ADCY8: variants seen among roughly 807,000 people sequenced by gnomAD.
ADCY8 encodes the protein adenylate cyclase 8.
Under a neutral mutation model 119.7 loss-of-function variants are expected in ADCY8, and 51 were observed. That is an observed-to-expected ratio of 0.43 (90% CI 0.34 to 0.54). The LOEUF (loss-of-function observed/expected upper bound fraction) is 0.54, where lower values mean the gene tolerates loss of function less well. ADCY8 is among the 20% of genes least tolerant of loss of function. ADCY8 has a pLI of 0.03. For missense variants in ADCY8, 1,383 were observed against 1,598.8 expected (o/e 0.87, Z 2.30); for synonymous variants, 665 against 651.0 (o/e 1.02, Z -0.33).
At chr8:130,847,395 C>A in intron 11 of ADCY8, 29 bp downstream of exon 11, 2 of 1,539,328 alleles carry the variant, frequency 1.3e-6, no homozygotes, top group East Asian at 4.5e-5. Context: ...ATGTCCAACT[C>A]TCACCAAGGG....
intron 2 of ADCY8, among the ~76,000 whole-genome samples, chr8:130,960,571 G>A (rs1821569012): frequency 6.6e-6 from 1 of 152,108 alleles, no homozygotes; most frequent in African/African-American, 2.4e-5. Flanking sequence ...GCACAGGCGA[G>A]AATGATACAA....
chr8:130,972,023 G>C (rs1821938043), intron 2 of ADCY8, among the ~76,000 whole-genome samples: 1 of 152,168 alleles, frequency 6.6e-6, no homozygotes, highest in Non-Finnish European at 1.5e-5. Flanking sequence ...TTTTCATAAA[G>C]TAAAACCACT....
At chr8:130,809,443 G>A (rs1021616423) in intron 14 of ADCY8, among the ~76,000 whole-genome samples, 16 of 152,152 alleles carry the variant, frequency 1.1e-4, no homozygotes, top group African/African-American at 3.9e-4. Context: ...GCTCTGGCCT[G>A]TTCTTTCCCT....
chr8:130,857,786 A>G (rs1203046356), intron 9 of ADCY8, among the ~76,000 whole-genome samples: 5 of 152,216 alleles, frequency 3.3e-5, no homozygotes, highest in Non-Finnish European at 7.3e-5. Flanking sequence ...TGTTATAGCT[A>G]GGATACTTTT....
At chr8:130,948,275 G>A (rs1162660743) in intron 3 of ADCY8, among the ~76,000 whole-genome samples, 1 of 152,200 alleles carries the variant, frequency 6.6e-6, no homozygotes, top group African/African-American at 2.4e-5. Context: ...TAAGTATCTG[G>A]GGGAAAAACA....
At chr8:131,035,885 A>C (rs1824136912) in intron 1 of ADCY8, among the ~76,000 whole-genome samples, 1 of 152,176 alleles carries the variant, frequency 6.6e-6, no homozygotes. Context: ...TTTAGTTGAC[A>C]GATTTGTATC....
Position 130,884,730 on chromosome 8 carries a change from T to C in ADCY8, c.1943A>G (p.Asn648Ser). ...TTGTGCAAGATGGTTTGGAAGCAGA[T>C]TTATTGAATTTCTTGTTAGGGCAGC... ...TLAALTRNSI[N>S]LLPNHLAQAL... The change falls in exon 8 of 18, where the codon AAT becomes AGT. Residue 648 changes from asparagine (N) to serine (S), a missense_variant. Around this residue, in one of 2 missense-constraint regions of ADCY8, gnomAD observed 928 missense variants for 1,163.5 expected, o/e 0.80. Transcript: ENST00000286355. 1 of 1,613,904 alleles carries C rather than the reference T, an allele frequency of 6.2e-7. No individual in the cohort carries two copies. The highest frequency in any genetic ancestry group is 1.3e-5 in the African/African-American group (1 of 75,044).
intron 10 of ADCY8, 132 bp from the exon 11 acceptor site, chr8:130,847,645 C>T (rs939788817): frequency 1.5e-6 from 1 of 663,234 alleles, no homozygotes; most frequent in Non-Finnish European, 2.6e-6. Context: ...TAGACTGAAC[C>T]CTAGAGGGGA....
intron 1 of ADCY8, among the ~76,000 whole-genome samples, chr8:131,031,903 T>C (rs1468565644): frequency 6.6e-6 from 1 of 152,216 alleles, no homozygotes. Flanking sequence ...AAGAAATACA[T>C]GTACTTTGAT....
intron 1 of ADCY8, among the ~76,000 whole-genome samples, chr8:131,032,423 A>G (rs979464204): frequency 1.3e-5 from 2 of 152,172 alleles, no homozygotes; most frequent in Non-Finnish European, 2.9e-5. Flanking sequence ...CAGATATCAA[A>G]TTCTACACAT....
chr8:130,839,273 C>T lies in ADCY8; in HGVS notation c.2503-2824G>A, dbSNP rs1018945658. Among the ~76,000 whole-genome samples, 21 of 140,132 alleles carry T rather than the reference C, an allele frequency of 1.5e-4. 5 individuals are homozygous for T. The highest frequency in any genetic ancestry group is 5.8e-4 in the Admixed American group (8 of 13,786). The allele number at this position is 140,132 out of a possible 152,430, so 91.9% of individuals were successfully genotyped here. ...TTGATGGGTCTTTCTCGTTTTGTTG[C>T]CTCAATCAATTGTGGCAGCATGCTC... On this transcript the variant is annotated intron_variant, in intron 11 of 17. Coordinates refer to ENST00000286355, the MANE Select transcript of ADCY8 (RefSeq NM_001115.3).
chr8:130,830,136 G>A (rs1360638151), intron 12 of ADCY8, among the ~76,000 whole-genome samples: 1 of 152,148 alleles, frequency 6.6e-6, no homozygotes, highest in Non-Finnish European at 1.5e-5. Flanking sequence ...GTGAGGGCAT[G>A]GAAGTCTTCA....
At chr8:130,944,234 A>G (rs1327516553) in intron 3 of ADCY8, among the ~76,000 whole-genome samples, 1 of 152,204 alleles carries the variant, frequency 6.6e-6, no homozygotes, top group East Asian at 1.9e-4. Flanking sequence ...CACTAGTGGC[A>G]CATGGCATAG....
intron 9 of ADCY8, among the ~76,000 whole-genome samples, chr8:130,861,377 A>G (rs1260901476): frequency 6.6e-6 from 1 of 152,178 alleles, no homozygotes; most frequent in African/African-American, 2.4e-5. Flanking sequence ...TTATTTCATC[A>G]GTGTTTTGAA....
At chr8:130,806,588 G>A (rs551626525) in intron 14 of ADCY8, among the ~76,000 whole-genome samples, 11 of 152,322 alleles carry the variant, frequency 7.2e-5, no homozygotes, top group Non-Finnish European at 1.6e-4. Context: ...AAAGGGATGA[G>A]AAGAGCCCAA....
At chr8:130,908,878 T>C (rs72714443) in intron 6 of ADCY8, among the ~76,000 whole-genome samples, 11,456 of 152,218 alleles carry the variant, frequency 0.075, 485 homozygotes, top group Non-Finnish European at 0.1. Flanking sequence ...CATGATAACA[T>C]ATTACTTGAT....
intron 14 of ADCY8, among the ~76,000 whole-genome samples, chr8:130,810,277 G>A (rs571698758): frequency 3.3e-5 from 5 of 151,794 alleles, no homozygotes; most frequent in Admixed American, 2.0e-4. Context: ...GTTCTTGCCG[G>A]CCACTACAGT....
chr8:130,863,693 A>G (rs1208136192), intron 9 of ADCY8, among the ~76,000 whole-genome samples: 1 of 152,078 alleles, frequency 6.6e-6, no homozygotes, highest in East Asian at 1.9e-4. Flanking sequence ...AATTAATGTA[A>G]CTCAGCCTTC....
At chr8:130,878,216 G>A (rs1374102598) in intron 8 of ADCY8, among the ~76,000 whole-genome samples, 4 of 152,134 alleles carry the variant, frequency 2.6e-5, no homozygotes, top group African/African-American at 4.8e-5. Context: ...GTCTTTCAAC[G>A]AAGACTAAAT....
Sources: gnomAD v4.1 joint callset for allele counts (sites outside exome capture counted in the v4.1 genomes callset) on GRCh38, gnomAD v4.1.1 for gene constraint, gnomAD v4.1.1 regional missense constraint, MANE v1.5 for transcripts, NCBI Gene and HGNC (gene_info 2026-07-23, HGNC 2026-07-21) for gene names.